Variants in ACOT4 observed in about 807,000 individuals in gnomAD.
ACOT4 encodes acyl-CoA thioesterase 4, also known as peroxisomal succinyl-coenzyme A thioesterase.
ACOT4 carries 18 observed loss-of-function variants against 17.1 expected under a neutral mutation model. The observed-to-expected ratio is 1.05, with a 90% CI of 0.73 to 1.56. ACOT4 has a LOEUF of 1.56. Ranked by LOEUF, ACOT4 falls within the 40% of genes most tolerant of loss-of-function variation. The pLI, the probability that ACOT4 is intolerant of heterozygous loss-of-function variation, is 0.00. For missense variants in ACOT4, 574 were observed against 557.2 expected, an observed-to-expected ratio of 1.03 and a Z score of -0.30; for synonymous variants, 234 against 236.6, an observed-to-expected ratio of 0.99 and a Z score of 0.10.
At position 73,591,909 on chromosome 14, in the gene ACOT4, C is replaced by T; in HGVS notation, c.-51C>T. The T allele has an allele frequency of 7.4e-7, 1 of 1,343,672 alleles. No individual in the cohort carries two copies. Among genetic ancestry groups the T allele is most frequent in the Non-Finnish European group, 9.6e-7 (1 of 1,045,296 alleles). 83.2% of individuals were successfully genotyped at this position (1,343,672 alleles called of 1,614,324 possible). On this transcript the variant is annotated 5_prime_UTR_variant, in exon 1 of 3. Transcript: ENST00000326303. ...GGACATTCGGCGCGCTTGCCACGAT[C>T]TTGGACGGGTCTCGGGCCTCGACCT... is the stretch of plus-strand genomic sequence containing the variant.
At position 73,593,790 on chromosome 14, in the gene ACOT4, C is replaced by G; in HGVS notation, c.546C>G (p.Gly182=). 1 of 1,614,056 alleles carries G rather than the reference C, an allele frequency of 6.2e-7. No homozygotes were observed. Among genetic ancestry groups the G allele is most frequent in the Non-Finnish European group, 8.5e-7 (1 of 1,179,922 alleles). ...GAGCCAGCCTCCTTGCTGGCCATGG[C>G]TTTGCCACGTTGGCTCTAGCTTATT... ...EYRASLLAGH[G]FATLALAYYN... is the part of the protein sequence containing the mutation. The change falls in exon 2 of 3, where the codon GGC becomes GGG. Residue 182 remains glycine, a synonymous_variant. Transcript: ENST00000326303.
At chr14:73,592,991 C>A (rs74334993) in intron 1 of ACOT4, among the ~76,000 whole-genome samples, 3,165 of 152,326 alleles carry the variant, frequency 0.021, 119 homozygotes, top group African/African-American at 0.072. Flanking sequence ...AGGTTCAGGT[C>A]GTCAGGTACA....
At chr14:73,593,110 T>C (rs902614700) in intron 1 of ACOT4, among the ~76,000 whole-genome samples, 3 of 152,218 alleles carry the variant, frequency 2.0e-5, no homozygotes, top group Non-Finnish European at 4.4e-5. Flanking sequence ...TGTCGTCTTC[T>C]CTAGTGTTCT....
Position 73,595,493 on chromosome 14 carries a change from C to G in ACOT4, c.1105C>G (p.Leu369Val), listed in dbSNP as rs1446214835. 2.5e-6 allele frequency: 4 copies of G among 1,613,922 alleles called. No individual in the cohort carries two copies. Among genetic ancestry groups the G allele is most frequent in the Non-Finnish European group, 3.4e-6 (4 of 1,179,820 alleles). Residue 369 changes from leucine (L) to valine (V), a missense_variant, in exon 3 of 3, where the codon CTG becomes GTG. Coordinates refer to ENST00000326303, the MANE Select transcript of ACOT4 (RefSeq NM_152331.4). Reference protein sequence around the residue: ...GHYIEPPYFPLCPASLHRLLN... With the variant: ...GHYIEPPYFPVCPASLHRLLN... Reference sequence around the variant, plus strand: ...TTACATCGAGCCTCCTTACTTCCCCCTGTGCCCAGCTTCCCTTCACAGATT... The same window carrying G: ...TTACATCGAGCCTCCTTACTTCCCCGTGTGCCCAGCTTCCCTTCACAGATT...
At chr14:73,593,302 A>G (rs1890185057) in intron 1 of ACOT4, among the ~76,000 whole-genome samples, 1 of 151,034 alleles carries the variant, frequency 6.6e-6, no homozygotes, top group African/African-American at 2.4e-5. Flanking sequence ...CAGAACATAA[A>G]GTTTTGTTTC....
intron 1 of ACOT4, 97 bp downstream of exon 1, chr14:73,592,513 A>G: frequency 7.4e-7 from 1 of 1,350,344 alleles, no homozygotes; most frequent in Non-Finnish European, 9.7e-7. Flanking sequence ...TTGGAGCAAG[A>G]TCAGAGAAGC....
At chr14:73,594,036 A>G in intron 2 of ACOT4, 132 bp downstream of exon 2, 1 of 715,024 alleles carries the variant, frequency 1.4e-6, no homozygotes, top group Admixed American at 3.3e-5. Context: ...TCCTTGGCTT[A>G]AGGTGCTATT....
chr14:73,595,030 C>A lies in ACOT4; in HGVS notation c.661-19C>A, dbSNP rs1234813727. ...TGGATAAGTTATTGACTCAACTCTC[C>A]TCTCTTCTTTTCTTCCAGGTAAAAG... On this transcript the variant is annotated intron_variant, in intron 2 of 2. Coordinates refer to ENST00000326303, the MANE Select transcript of ACOT4 (RefSeq NM_152331.4). 6.2e-7 allele frequency: 1 copy of A among 1,611,244 alleles called. No homozygotes were observed. Among genetic ancestry groups the A allele is most frequent in the Non-Finnish European group, 8.5e-7 (1 of 1,179,202 alleles).
At chr14:73,594,512 C>T (rs1043796980) in intron 2 of ACOT4, among the ~76,000 whole-genome samples, 3 of 152,082 alleles carry the variant, frequency 2.0e-5, no homozygotes, top group African/African-American at 7.2e-5. Flanking sequence ...CCAAGTTTTT[C>T]AGTGATTTTA....
At position 73,595,484 on chromosome 14, in the gene ACOT4, T is replaced by C. The variant is rs768119099; in HGVS notation, c.1096T>C (p.Tyr366His). 9.3e-6 allele frequency: 15 copies of C among 1,613,952 alleles called. No homozygotes were observed. The South Asian group carries it at 1.3e-4, about 14-fold the overall frequency. The change falls in exon 3 of 3, where the codon TAC becomes CAC. Residue 366 changes from tyrosine (Y) to histidine (H), a missense_variant. Physicochemically the swap from Tyr to His is moderately conservative, Grantham distance 83. Coordinates refer to ENST00000326303, the MANE Select transcript of ACOT4 (RefSeq NM_152331.4). ...GACTGGGCATTACATCGAGCCTCCT[T>C]ACTTCCCCCTGTGCCCAGCTTCCCT... is the stretch of plus-strand genomic sequence containing the variant. ...PGTGHYIEPP[Y>H]FPLCPASLHR...
Position 73,595,071 on chromosome 14 carries a change from T to C in ACOT4, c.683T>C (p.Leu228Pro), listed in dbSNP as rs547842787. 1 of 1,613,976 alleles carries C rather than the reference T, an allele frequency of 6.2e-7. No homozygotes were observed. The highest frequency in any genetic ancestry group is 1.1e-5 in the South Asian group (1 of 91,072). ...HPQVKGPGIG[L>P]LGISLGADIC... Reference sequence around the variant, plus strand: ...CAGGTAAAAGGCCCAGGCATTGGGCTTTTGGGCATTTCTCTAGGAGCTGAT... The same window carrying C: ...CAGGTAAAAGGCCCAGGCATTGGGCCTTTGGGCATTTCTCTAGGAGCTGAT... The change falls in exon 3 of 3, where the codon CTT (leucine) becomes CCT (proline). Residue 228 changes from leucine (L) to proline (P), a missense_variant. Coordinates refer to ENST00000326303, the MANE Select transcript of ACOT4 (RefSeq NM_152331.4).
chr14:73,593,388 G>T (rs1337794181), intron 1 of ACOT4, among the ~76,000 whole-genome samples: 3 of 138,718 alleles, frequency 2.2e-5, no homozygotes, highest in African/African-American at 8.1e-5. Flanking sequence ...GCCCACGCTG[G>T]AGTGCAGTGG....
In ACOT4 at chr14:73,592,351, C is replaced by A; in HGVS notation, c.392C>A (p.Pro131Gln). 1 of 1,593,482 alleles carries A rather than the reference C, an allele frequency of 6.3e-7. No individual in the cohort carries two copies. The highest frequency in any genetic ancestry group is 2.3e-5 in the East Asian group (1 of 43,706). Residue 131 changes from proline (P) to glutamine (Q), a missense_variant, in exon 1 of 3, where the codon CCG becomes CAG. Physicochemically the swap from Pro to Gln is moderately conservative, Grantham distance 76 (BLOSUM62 -1). Transcript: ENST00000326303. The part of the protein sequence containing the change: ...CQAQHERHFL[P>Q]PGVRRQSVRA... ...GCGCAGCACGAGCGCCACTTCCTCCCGCCAGGGGTGCGGCGCCAGTCGGTG... is the reference window on the plus strand; with the variant it reads ...GCGCAGCACGAGCGCCACTTCCTCCAGCCAGGGGTGCGGCGCCAGTCGGTG...
At position 73,595,269 on chromosome 14, in the gene ACOT4, A is replaced by G. The variant is rs1321054557; in HGVS notation, c.881A>G (p.Asp294Gly). The change falls in exon 3 of 3, where the codon GAT becomes GGT. Residue 294 changes from aspartate (D) to glycine (G), a missense_variant. Coordinates refer to ENST00000326303, the MANE Select transcript of ACOT4 (RefSeq NM_152331.4). ...VAFSGLVDIV[D>G]IRNALVGGYK... ...TTCTCAGGCCTCGTGGACATTGTGG[A>G]TATAAGGAATGCTCTCGTAGGAGGG... The G allele has an allele frequency of 1.2e-6, 2 of 1,614,102 alleles. No individual in the cohort carries two copies. Among genetic ancestry groups the G allele is most frequent in the African/African-American group, 2.7e-5 (2 of 74,916 alleles).
At position 73,595,436 on chromosome 14, in the gene ACOT4, C is replaced by A. The variant is rs753046615; in HGVS notation, c.1048C>A (p.Pro350Thr). ...GTTACAGGCCCATGGAAAGGAAAAA[C>A]CCCAGATCATCTGTTACCCTGGGAC... is the stretch of plus-strand genomic sequence containing the variant. ...ERLQAHGKEK[P>T]QIICYPGTGH... Residue 350 changes from proline (P) to threonine (T), a missense_variant, in exon 3 of 3, where the codon CCC becomes ACC. By Grantham distance (38) the Pro-to-Thr change is conservative. Coordinates refer to ENST00000326303, the MANE Select transcript of ACOT4 (RefSeq NM_152331.4). The A allele has an allele frequency of 6.2e-7, 1 of 1,614,086 alleles. No individual in the cohort carries two copies. The highest frequency in any genetic ancestry group is 1.3e-5 in the African/African-American group (1 of 74,930).
At position 73,591,907 on chromosome 14, in the gene ACOT4, A is replaced by G. The variant is rs1890153211; in HGVS notation, c.-53A>G. 3.7e-6 allele frequency: 5 copies of G among 1,341,040 alleles called. No homozygotes were observed. 83.1% of individuals were successfully genotyped at this position (1,341,040 alleles called of 1,614,324 possible). A position where few individuals can be genotyped will look rare whatever the true frequency, so the allele number is the denominator to read the frequency against. ...CCGGACATTCGGCGCGCTTGCCACG[A>G]TCTTGGACGGGTCTCGGGCCTCGAC... On this transcript the variant is annotated 5_prime_UTR_variant, in exon 1 of 3. Coordinates refer to ENST00000326303, the MANE Select transcript of ACOT4 (RefSeq NM_152331.4).
intron 1 of ACOT4, among the ~76,000 whole-genome samples, chr14:73,592,989 G>A (rs1890179835): frequency 6.6e-6 from 1 of 152,220 alleles, no homozygotes; most frequent in South Asian, 2.1e-4. Context: ...ACAGGTTCAG[G>A]TCGTCAGGTA....
chr14:73,594,558 C>T (rs1400484220), intron 2 of ACOT4, among the ~76,000 whole-genome samples: 2 of 152,312 alleles, frequency 1.3e-5, no homozygotes, highest in African/African-American at 4.8e-5. Flanking sequence ...AGATATTCTG[C>T]ACATGGGAAG....
Position 73,592,359 on chromosome 14 carries a change from G to C in ACOT4, c.400G>C (p.Val134Leu), listed in dbSNP as rs1177372652. The C allele has an allele frequency of 6.3e-7, 1 of 1,587,760 alleles. No individual in the cohort carries two copies. The highest frequency in any genetic ancestry group is 1.8e-5 in the Admixed American group (1 of 56,462). Residue 134 changes from valine (V) to leucine (L), a missense_variant, in exon 1 of 3, where the codon GTG becomes CTG. Coordinates refer to ENST00000326303, the MANE Select transcript of ACOT4 (RefSeq NM_152331.4). ...QHERHFLPPG[V>L]RRQSVRAGRV... The stretch of plus-strand genomic sequence containing the variant: ...CGAGCGCCACTTCCTCCCGCCAGGG[G>C]TGCGGCGCCAGTCGGTGCGAGCGGG...
Sources: gnomAD v4.1 joint callset for allele counts (sites outside exome capture counted in the v4.1 genomes callset) on GRCh38, gnomAD v4.1.1 for gene constraint, MANE v1.5 for transcripts, NCBI Gene and HGNC (gene_info 2026-07-23, HGNC 2026-07-21) for gene names.